The following CLVS1 variants were observed in gnomAD, a reference collection of about 807,000 sequenced individuals.
The protein encoded by CLVS1 is clavesin-1.
Under a neutral mutation model 33.1 loss-of-function variants are expected in CLVS1, and 10 were observed. That is an observed-to-expected ratio of 0.30 (90% CI 0.19 to 0.51). CLVS1 has a LOEUF of 0.51. CLVS1 is among the 20% of genes least tolerant of loss of function. The pLI is 0.97. For missense variants in CLVS1, 343 were observed against 433.4 expected (o/e 0.79, Z 1.85); for synonymous variants, 163 against 166.1 (o/e 0.98, Z 0.14).
At chr8:61,437,788 A>G (rs1447586122) in intron 3 of CLVS1, among the ~76,000 whole-genome samples, 1 of 152,178 alleles carries the variant, frequency 6.6e-6, no homozygotes, top group Non-Finnish European at 1.5e-5. Context: ...TTGAGATGGG[A>G]GTTTATGAAA....
intron 3 of CLVS1, among the ~76,000 whole-genome samples, chr8:61,399,637 A>G (rs1232987243): frequency 6.6e-6 from 1 of 152,132 alleles, no homozygotes; most frequent in Non-Finnish European, 1.5e-5. Context: ...GGTATTGCCT[A>G]TATTTTCTTC....
chr8:61,067,490 T>A (rs1392597292), intron 1 of CLVS1, among the ~76,000 whole-genome samples: 1 of 149,120 alleles, frequency 6.7e-6, no homozygotes, highest in Non-Finnish European at 1.5e-5. Flanking sequence ...TAATGATATA[T>A]TAATAATATA....
chr8:61,462,077 G>T (rs1817387852), intron 5 of CLVS1, among the ~76,000 whole-genome samples: 1 of 152,224 alleles, frequency 6.6e-6, no homozygotes, highest in Non-Finnish European at 1.5e-5. Context: ...CTGATGCAGA[G>T]ACTTAGTTGG....
chr8:61,407,241 A>G (rs1815030752), intron 3 of CLVS1, among the ~76,000 whole-genome samples: 1 of 152,242 alleles, frequency 6.6e-6, no homozygotes, highest in African/African-American at 2.4e-5. Context: ...CACACGGTAG[A>G]TATTTATTCA....
rs543865990 is a variant in CLVS1 at position 61,059,208 on chromosome 8, G to GTT, written c.-243+1978_-243+1979insTT. On this transcript the variant is annotated intron_variant, in intron 1 of 2. Coordinates refer to the CLVS1 transcript ENST00000522621. ...TTCCTCCATACCTTAGCCAAAAATTGATGTGACCAGTCTTTGTAATTTCAG... is the reference window on the plus strand; with the variant it reads ...TTCCTCCATACCTTAGCCAAAAATTGTTATGTGACCAGTCTTTGTAATTTCAG... Among the ~76,000 whole-genome samples, 325 of 152,034 alleles carry GTT rather than the reference G, an allele frequency of 2.1e-3. 1 individual carries two copies. Among genetic ancestry groups the GTT allele is most frequent in the African/African-American group, 7.0e-3 (289 of 41,496 alleles).
At chr8:61,280,913 C>T (rs1014887096) in intron 2 of CLVS1, among the ~76,000 whole-genome samples, 1 of 152,194 alleles carries the variant, frequency 6.6e-6, no homozygotes, top group Non-Finnish European at 1.5e-5. Flanking sequence ...CAGACCTGAG[C>T]CACCACGCTT....
At chr8:61,435,381 T>C (rs1816291195) in intron 3 of CLVS1, among the ~76,000 whole-genome samples, 1 of 152,186 alleles carries the variant, frequency 6.6e-6, no homozygotes, top group African/African-American at 2.4e-5. Context: ...TAGCCATTTG[T>C]AGTGAGTTAG....
At chr8:61,393,169 A>T (rs1814376396) in intron 3 of CLVS1, among the ~76,000 whole-genome samples, 1 of 152,148 alleles carries the variant, frequency 6.6e-6, no homozygotes, top group Non-Finnish European at 1.5e-5. Context: ...GGCATGAGCC[A>T]CCACACCCGG....
At chr8:61,486,295 T>G (rs1044054500) in intron 5 of CLVS1, among the ~76,000 whole-genome samples, 10 of 152,024 alleles carry the variant, frequency 6.6e-5, no homozygotes, top group African/African-American at 2.2e-4. Context: ...AAAATAAATG[T>G]CCAGTACGGA....
chr8:61,248,223 C>A (rs1001432938), intron 2 of CLVS1, among the ~76,000 whole-genome samples: 3 of 152,122 alleles, frequency 2.0e-5, no homozygotes, highest in African/African-American at 7.2e-5. Context: ...TAACATGATT[C>A]TTCCAGCTTT....
intron 3 of CLVS1, among the ~76,000 whole-genome samples, chr8:61,394,481 G>C (rs111430075): frequency 0.021 from 3,140 of 152,226 alleles, 92 homozygotes; most frequent in African/African-American, 0.071. Flanking sequence ...TCTGAACTCA[G>C]ACTCTCCTGG....
At chr8:61,326,128 C>T (rs1811375631) in intron 2 of CLVS1, among the ~76,000 whole-genome samples, 1 of 152,154 alleles carries the variant, frequency 6.6e-6, no homozygotes, top group South Asian at 2.1e-4. Context: ...GCCTTTCAGC[C>T]TTCATTTGCA....
chr8:61,272,460 C>T (rs1330863928), intron 2 of CLVS1, among the ~76,000 whole-genome samples: 1 of 152,018 alleles, frequency 6.6e-6, no homozygotes, highest in Non-Finnish European at 1.5e-5. Context: ...GTGAATCTGA[C>T]AATTATGTGT....
intron 2 of CLVS1, among the ~76,000 whole-genome samples, chr8:61,164,378 G>C (rs1806813425): frequency 6.6e-6 from 1 of 152,178 alleles, no homozygotes; most frequent in Non-Finnish European, 1.5e-5. Flanking sequence ...TGTCTAGCAG[G>C]AAAGCCCTGG....
chr8:61,010,042 G>T, the CLVS1 span, among the ~76,000 whole-genome samples: 1 of 152,182 alleles, frequency 6.6e-6, no homozygotes. Flanking sequence ...GCTGGGATGG[G>T]AATGGGGAGG....
At chr8:61,224,426 T>C (rs1270591668) in intron 2 of CLVS1, among the ~76,000 whole-genome samples, 1 of 152,190 alleles carries the variant, frequency 6.6e-6, no homozygotes, top group African/African-American at 2.4e-5. Context: ...GTCAGGCCTC[T>C]CTTCTGTAGG....
intron 3 of CLVS1, among the ~76,000 whole-genome samples, chr8:61,386,733 G>A (rs920879150): frequency 8.5e-5 from 13 of 152,084 alleles, no homozygotes; most frequent in African/African-American, 1.2e-4. Context: ...TCTAGTCTAC[G>A]GTAAATACAA....
At chr8:60,983,024 C>T in the CLVS1 span, among the ~76,000 whole-genome samples, 1 of 152,156 alleles carries the variant, frequency 6.6e-6, no homozygotes, top group African/African-American at 2.4e-5. Flanking sequence ...CTTACGCTAG[C>T]TGGTACTCAT....
intron 2 of CLVS1, among the ~76,000 whole-genome samples, chr8:61,201,441 A>G (rs912275561): frequency 6.6e-6 from 1 of 152,220 alleles, no homozygotes; most frequent in Non-Finnish European, 1.5e-5. Flanking sequence ...TGTCTTTTTG[A>G]TAAAAAACAA....
Sources: allele counts gnomAD v4.1 joint callset (sites outside exome capture counted in the v4.1 genomes callset), GRCh38; gene constraint gnomAD v4.1.1; transcripts MANE v1.5; gene names NCBI Gene and HGNC (gene_info 2026-07-23, HGNC 2026-07-21).